CDH10: variants seen among roughly 807,000 people sequenced by gnomAD.
The protein encoded by CDH10 is cadherin 10, also known as cadherin-10.
In CDH10, 30 loss-of-function variants were observed where a neutral mutation model predicts 73.1. That is an observed-to-expected ratio of 0.41 (90% CI 0.31 to 0.56). The LOEUF (loss-of-function observed/expected upper bound fraction) is 0.56, where lower values mean the gene tolerates loss of function less well. Ranked by LOEUF, CDH10 falls within the 20% of genes least tolerant of loss-of-function variation. The probability of loss-of-function intolerance (pLI) is 0.27; values close to 1 mark genes in which losing one functional copy is unlikely to be tolerated. For synonymous variants in CDH10, 345 were observed against 348.2 expected (o/e 0.99, Z 0.10); for missense variants, 815 against 973.7 (o/e 0.84, Z 2.17).
chr5:24,511,545 C>CAGAGAGAG (rs55901211), intron 5 of CDH10, 31 bp from the exon 6 acceptor site: 13,965 of 568,382 alleles, frequency 0.025, 374 homozygotes, highest in Non-Finnish European at 0.028. Flanking sequence ...AAGAGAGAGA[C>CAGAGAGAG]AGAGAGAGAG....
intron 5 of CDH10, among the ~76,000 whole-genome samples, chr5:24,519,123 T>C (rs1743218745): frequency 6.6e-6 from 1 of 151,910 alleles, no homozygotes; most frequent in Non-Finnish European, 1.5e-5. Flanking sequence ...ATTCCTGGCC[T>C]CAAGAGATCC....
At chr5:24,621,987 G>A (rs1040777185) in intron 1 of CDH10, among the ~76,000 whole-genome samples, 5 of 152,224 alleles carry the variant, frequency 3.3e-5, no homozygotes, top group Non-Finnish European at 7.3e-5. Flanking sequence ...GATGAGGTTA[G>A]AGAGGAAATG....
chr5:24,509,631 AAT>A lies in CDH10; in HGVS notation c.1189_1190del (p.Ile397Ter). 1 of 1,613,744 alleles carries A rather than the reference AAT, an allele frequency of 6.2e-7. No homozygotes were observed. The highest frequency in any genetic ancestry group is 8.5e-7 in the Non-Finnish European group (1 of 1,179,664). ...CAGTACCAATGATTGTGCCCACTTC[AAT>A]ATCTTCATGAACTTCAAACAGATAG... ...SSYLFEVHEDIEVGTIIGTVM... is the reference protein window; with the variant it reads ...SSYLFEVHEDXEVGTIIGTVM... On this transcript the variant is annotated frameshift_variant, in exon 7 of 12. Transcript: ENST00000264463. LOFTEE classifies it high-confidence loss of function.
At chr5:24,600,391 A>G (rs1437811119) in intron 1 of CDH10, among the ~76,000 whole-genome samples, 8 of 152,182 alleles carry the variant, frequency 5.3e-5, no homozygotes, top group Admixed American at 1.3e-4. Context: ...AGCAATGTCT[A>G]TGAAGCTCTA....
chr5:24,519,638 A>C (rs116790765), intron 5 of CDH10, among the ~76,000 whole-genome samples: 2,268 of 152,326 alleles, frequency 0.015, 54 homozygotes, highest in African/African-American at 0.052. Context: ...TGCAAATTAA[A>C]GCCAAGACGT....
intron 5 of CDH10, among the ~76,000 whole-genome samples, chr5:24,531,167 A>C (rs1743730069): frequency 6.6e-6 from 1 of 151,970 alleles, no homozygotes; most frequent in Non-Finnish European, 1.5e-5. Flanking sequence ...TTCAGGTGAA[A>C]TATCACCTTT....
intron 5 of CDH10, among the ~76,000 whole-genome samples, chr5:24,534,489 G>C (rs1048570707): frequency 2.6e-5 from 4 of 152,064 alleles, no homozygotes; most frequent in Admixed American, 2.6e-4. Flanking sequence ...ATGGTCAGGA[G>C]CTAAAGGTTC....
chr5:24,579,700 T>C (rs894956431), intron 2 of CDH10, among the ~76,000 whole-genome samples: 4 of 152,174 alleles, frequency 2.6e-5, no homozygotes, highest in Non-Finnish European at 5.9e-5. Context: ...CTTTGTCTTC[T>C]AAGAGGTTTT....
intron 9 of CDH10, among the ~76,000 whole-genome samples, chr5:24,494,101 A>T (rs1215786146): frequency 6.6e-6 from 1 of 152,004 alleles, no homozygotes; most frequent in Non-Finnish European, 1.5e-5. Context: ...TATTGCCTAG[A>T]AATAAGCAGC....
intron 2 of CDH10, among the ~76,000 whole-genome samples, chr5:24,538,649 T>C (rs1375393423): frequency 1.3e-5 from 2 of 151,978 alleles, no homozygotes; most frequent in Non-Finnish European, 2.9e-5. Flanking sequence ...TATACTACTG[T>C]ACTAGTGACT....
At chr5:24,507,180 A>T (rs1389799403) in intron 7 of CDH10, among the ~76,000 whole-genome samples, 4 of 152,080 alleles carry the variant, frequency 2.6e-5, no homozygotes, top group Admixed American at 2.6e-4. Context: ...ATATTGCATT[A>T]GTAAGGCTAT....
intron 1 of CDH10, among the ~76,000 whole-genome samples, chr5:24,596,590 T>C (rs1223570537): frequency 1.3e-5 from 2 of 151,962 alleles, no homozygotes; most frequent in African/African-American, 2.4e-5. Context: ...AAGATTAACA[T>C]CAAAACTTTA....
intron 5 of CDH10, among the ~76,000 whole-genome samples, chr5:24,524,816 A>G (rs1192285462): frequency 6.6e-6 from 1 of 152,130 alleles, no homozygotes; most frequent in Non-Finnish European, 1.5e-5. Context: ...ATGTGGGGCT[A>G]CATAAATAAG....
chr5:24,634,224 T>C lies in CDH10; in HGVS notation c.-124+10370A>G, dbSNP rs906056597. ...ATTTCTTGGGCTTTAAAAATTAATT[T>C]CTCCTCTAATTTTGCACAATGTTAT... On this transcript the variant is annotated intron_variant, in intron 1 of 11. Transcript: ENST00000264463. Among the ~76,000 whole-genome samples the C allele has an allele frequency of 4.6e-5, 7 of 151,888 alleles. 1 individual carries two copies. Among genetic ancestry groups the C allele is most frequent in the African/African-American group, 4.8e-5 (2 of 41,430 alleles).
rs2112092740 is a variant in CDH10, at chr5:24,593,330, C to T, written c.161G>A (p.Arg54His). 6.2e-7 allele frequency: 1 copy of T among 1,613,100 alleles called. No individual in the cohort carries two copies. The highest frequency in any genetic ancestry group is 8.5e-7 in the Non-Finnish European group (1 of 1,179,224). Residue 54 changes from arginine to histidine, a missense_variant, in exon 2 of 12, where the codon CGT becomes CAT. Coordinates refer to ENST00000264463, the MANE Select transcript of CDH10 (RefSeq NM_006727.5). ...GAAAAATTGATTCCACATCCAACCA[C>T]GTTTTTGACGATGGAGAATTTTGCC... Reference protein sequence around the residue: ...SDGKILHRQKRGWMWNQFFLL... With the variant: ...SDGKILHRQKHGWMWNQFFLL...
At chr5:24,535,572 T>C (rs1743921101) in intron 4 of CDH10, 131 bp downstream of exon 4, 1 of 823,686 alleles carries the variant, frequency 1.2e-6, no homozygotes, top group Non-Finnish European at 1.9e-6. Context: ...TTCTTATATC[T>C]TTAAGTGTTG....
chr5:24,590,485 T>C (rs1479088413), intron 2 of CDH10, among the ~76,000 whole-genome samples: 1 of 151,926 alleles, frequency 6.6e-6, no homozygotes. Context: ...GAGAAGTTGA[T>C]AAACCAAGGG....
intron 2 of CDH10, among the ~76,000 whole-genome samples, chr5:24,587,755 ATATTT>A (rs1746072220): frequency 6.6e-6 from 1 of 152,174 alleles, no homozygotes; most frequent in Non-Finnish European, 1.5e-5. Flanking sequence ...TTTACTTTGA[ATATTT>A]TGATGGAATA....
At chr5:24,593,153 T>A in intron 2 of CDH10, 107 bp downstream of exon 2, 1 of 661,566 alleles carries the variant, frequency 1.5e-6, no homozygotes, top group Non-Finnish European at 2.7e-6. Context: ...TTAGGGAGAT[T>A]TAAAGAATCA....
Sources: allele counts gnomAD v4.1 joint callset (sites outside exome capture counted in the v4.1 genomes callset), GRCh38; gene constraint gnomAD v4.1.1; transcripts MANE v1.5; gene names NCBI Gene and HGNC (gene_info 2026-07-23, HGNC 2026-07-21).